Variants in TRPS1 observed in about 807,000 individuals in gnomAD.
TRPS1 encodes the protein transcriptional repressor GATA binding 1, also known as zinc finger transcription factor Trps1.
A neutral mutation model predicts 101.2 loss-of-function variants in TRPS1; 6 were observed. That is an observed-to-expected ratio of 0.06 (90% CI 0.03 to 0.12). The LOEUF is 0.12. Ranked by LOEUF, TRPS1 falls within the 10% of genes least tolerant of loss-of-function variation. TRPS1 has a pLI of 1.00. For missense variants in TRPS1, 1,363 were observed against 1,567.0 expected, an observed-to-expected ratio of 0.87 and a Z score of 2.20; for synonymous variants, 578 against 589.8, an observed-to-expected ratio of 0.98 and a Z score of 0.29.
At chr8:115,475,392 A>G (rs1204423941) in intron 5 of TRPS1, among the ~76,000 whole-genome samples, 1 of 150,844 alleles carries the variant, frequency 6.6e-6, no homozygotes, top group Non-Finnish European at 1.5e-5. Context: ...TACTGCAATT[A>G]GTTGATGCCA....
intron 1 of TRPS1, among the ~76,000 whole-genome samples, chr8:115,658,947 T>G (rs562101698): frequency 1.3e-5 from 2 of 152,224 alleles, no homozygotes; most frequent in East Asian, 3.9e-4. Flanking sequence ...TTCTTAAAGC[T>G]TATCAAAGTA....
At chr8:115,590,142 A>C (rs573049281) in intron 4 of TRPS1, among the ~76,000 whole-genome samples, 4 of 152,248 alleles carry the variant, frequency 2.6e-5, no homozygotes, top group South Asian at 2.1e-4. Context: ...ACAACAACAA[A>C]AAAAACCCAC....
chr8:115,478,018 A>G (rs1301791688), intron 5 of TRPS1, among the ~76,000 whole-genome samples: 2 of 152,036 alleles, frequency 1.3e-5, no homozygotes, highest in Non-Finnish European at 2.9e-5. Context: ...AATACAATCA[A>G]TACTGTGATG....
intron 5 of TRPS1, among the ~76,000 whole-genome samples, chr8:115,572,231 G>A (rs1387671916): frequency 2.6e-5 from 4 of 152,092 alleles, no homozygotes; most frequent in African/African-American, 4.8e-5. Context: ...TTTCACTGCA[G>A]AGGGGGCCTC....
At chr8:115,647,368 A>C (rs2130600983) in intron 1 of TRPS1, among the ~76,000 whole-genome samples, 1 of 152,328 alleles carries the variant, frequency 6.6e-6, no homozygotes, top group South Asian at 2.1e-4. Context: ...TAAAGAAGGC[A>C]AAAACTTGAT....
chr8:115,452,188 G>A (rs951716334), intron 5 of TRPS1, among the ~76,000 whole-genome samples: 7 of 152,118 alleles, frequency 4.6e-5, no homozygotes, highest in Admixed American at 3.3e-4. Flanking sequence ...CTAACTCCCT[G>A]CATTTCACTT....
intron 5 of TRPS1, among the ~76,000 whole-genome samples, chr8:115,430,849 C>T (rs1586266323): frequency 2.0e-5 from 3 of 151,870 alleles, no homozygotes; most frequent in Non-Finnish European, 2.9e-5. Flanking sequence ...GGGATTAAAA[C>T]ACCAACAATG....
Position 115,414,305 on chromosome 8 carries a change from T to C in TRPS1, c.3603A>G (p.Pro1201=). The change falls in exon 7 of 7, where the codon CCA becomes CCG. Residue 1201 remains proline (P), a synonymous_variant. Transcript: ENST00000395715. This position sits in a 1 kb window ranked among gnomAD's most constrained non-coding sequence, Gnocchi z 4.8. ...AGGGACCTTCATTTTTTACATTTGGTGGTGCCTTCGTTTTCTCCTTGGAGG... is the reference window on the plus strand; with the variant it reads ...AGGGACCTTCATTTTTTACATTTGGCGGTGCCTTCGTTTTCTCCTTGGAGG... ...NGASKEKTKA[P]PNVKNEGPLN... is the part of the protein sequence containing the mutation. The C allele has an allele frequency of 8.1e-6, 13 of 1,614,014 alleles. No individual in the cohort carries two copies. The highest frequency in any genetic ancestry group is 1.1e-5 in the Non-Finnish European group (13 of 1,179,950).
chr8:115,557,599 T>G (rs1344879555), intron 5 of TRPS1, among the ~76,000 whole-genome samples: 1 of 152,158 alleles, frequency 6.6e-6, no homozygotes, highest in African/African-American at 2.4e-5. Flanking sequence ...TCTCTCCTGC[T>G]GCCTTGTGAA....
intron 5 of TRPS1, among the ~76,000 whole-genome samples, chr8:115,451,230 C>G (rs1813863400): frequency 6.6e-6 from 1 of 152,158 alleles, no homozygotes; most frequent in Non-Finnish European, 1.5e-5. Context: ...GTTCCTACCA[C>G]TTCTGAATAT....
chr8:115,462,139 C>G (rs1247910567), intron 5 of TRPS1, among the ~76,000 whole-genome samples: 2 of 152,126 alleles, frequency 1.3e-5, no homozygotes, highest in East Asian at 3.9e-4. Context: ...GAAATATGAT[C>G]TTACTCTCAA....
intron 3 of TRPS1, among the ~76,000 whole-genome samples, chr8:115,615,497 C>T (rs767102494): frequency 1.3e-5 from 2 of 152,170 alleles, no homozygotes. Context: ...TAGCAGGGCG[C>T]GGTGGCTCAC....
intron 1 of TRPS1, chr8:115,668,096 G>A: frequency 1.6e-6 from 1 of 613,642 alleles, no homozygotes; most frequent in Non-Finnish European, 2.9e-6. Context: ...GGCAAATGGG[G>A]ATTTGTTTTT....
intron 4 of TRPS1, among the ~76,000 whole-genome samples, chr8:115,600,044 A>T (rs1817874908): frequency 6.6e-6 from 1 of 152,056 alleles, no homozygotes; most frequent in Admixed American, 6.6e-5. Flanking sequence ...CTGGCATGAG[A>T]TGGTATCTCA....
At chr8:115,492,311 C>G in intron 5 of TRPS1, 2 of 453,658 alleles carry the variant, frequency 4.4e-6, no homozygotes, top group Non-Finnish European at 4.4e-6. Context: ...GATATGTTTT[C>G]AGGAGTTAAT....
rs10546472 is a variant in TRPS1, at chr8:115,668,717, AAGAGAG to A, written c.-300_-295del. ...TTTCCCTCCCCCACCCTTATTAAAA[AAGAGAG>A]AGAGAGAGAGAGAGAGAGAAAGAGA... On this transcript the variant is annotated 5_prime_UTR_variant, in exon 1 of 7. Coordinates refer to ENST00000395715, the MANE Select transcript of TRPS1 (RefSeq NM_014112.5). 0.67 allele frequency: 93,120 copies of A among 138,916 alleles called. 31,844 individuals carry two copies. Among genetic ancestry groups the A allele is most frequent in the Middle Eastern group, 0.86 (229 of 266 alleles). The allele number at this position is 138,916 out of a possible 1,614,324, so 8.6% of individuals were successfully genotyped here. A position where few individuals can be genotyped will look rare whatever the true frequency, so the allele number is the denominator to read the frequency against.
chr8:115,611,806 T>TATGTAATAAGTAATATAA (rs1434559411), intron 3 of TRPS1, among the ~76,000 whole-genome samples: 2 of 152,232 alleles, frequency 1.3e-5, no homozygotes, highest in African/African-American at 2.4e-5. Flanking sequence ...CGGTGCTTGC[T>TATGTAATAAGTAATATAA]ATGTAATAAG....
intron 3 of TRPS1, among the ~76,000 whole-genome samples, chr8:115,605,690 C>A (rs1030979483): frequency 6.6e-6 from 1 of 152,138 alleles, no homozygotes; most frequent in Non-Finnish European, 1.5e-5. Flanking sequence ...GAAAAATCTT[C>A]CATGCCTTAT....
At chr8:115,453,086 A>C (rs1813920838) in intron 5 of TRPS1, among the ~76,000 whole-genome samples, 2 of 151,464 alleles carry the variant, frequency 1.3e-5, no homozygotes, top group African/African-American at 4.9e-5. Context: ...CAGTGGCGCG[A>C]TCTCGGCTCA....
Sources: allele counts gnomAD v4.1 joint callset (sites outside exome capture counted in the v4.1 genomes callset), GRCh38; gene constraint gnomAD v4.1.1; non-coding constraint Gnocchi (gnomAD v3.1); transcripts MANE v1.5; gene names NCBI Gene and HGNC (gene_info 2026-07-23, HGNC 2026-07-21).